The following GRID2 variants were observed in gnomAD, a reference collection of about 807,000 sequenced individuals.
GRID2 encodes glutamate ionotropic receptor delta type subunit 2.
Under a neutral mutation model 114.8 loss-of-function variants are expected in GRID2, and 33 were observed. The ratio of observed to expected loss-of-function variants is 0.29; its 90% CI spans 0.22 to 0.38. The LOEUF (loss-of-function observed/expected upper bound fraction) is 0.38, where lower values mean the gene tolerates loss of function less well. Among genes scored for constraint, GRID2 ranks in the 10% least tolerant of loss-of-function variants. The pLI is 1.00. For missense variants in GRID2, 1,184 were observed against 1,257.7 expected (o/e 0.94, Z 0.89); for synonymous variants, 505 against 449.9 (o/e 1.12, Z -1.55).
At chr4:92,699,710 C>A (rs1393363455) in intron 2 of GRID2, among the ~76,000 whole-genome samples, 1 of 152,138 alleles carries the variant, frequency 6.6e-6, no homozygotes, top group Admixed American at 6.5e-5. Context: ...GCTAAGAAAC[C>A]TCTACTCATC....
chr4:92,665,142 C>T (rs1191934926), intron 2 of GRID2, among the ~76,000 whole-genome samples: 3 of 150,644 alleles, frequency 2.0e-5, no homozygotes, highest in Non-Finnish European at 4.5e-5. Context: ...TAATTGATTT[C>T]TTTTGTAGAA....
intron 13 of GRID2, among the ~76,000 whole-genome samples, chr4:93,540,099 T>A (rs891918312): frequency 6.6e-6 from 1 of 152,032 alleles, no homozygotes; most frequent in Non-Finnish European, 1.5e-5. Context: ...TTTGTGTGAT[T>A]TTTTCCTTGG....
At chr4:92,370,467 G>A (rs1037907044) in intron 1 of GRID2, among the ~76,000 whole-genome samples, 7 of 151,946 alleles carry the variant, frequency 4.6e-5, no homozygotes, top group African/African-American at 1.4e-4. Flanking sequence ...CTGGTCAACA[G>A]AGCAAAACCC....
At chr4:92,541,915 A>G (rs1725985543) in intron 1 of GRID2, among the ~76,000 whole-genome samples, 1 of 152,148 alleles carries the variant, frequency 6.6e-6, no homozygotes, top group African/African-American at 2.4e-5. Flanking sequence ...AAAGAAGAGG[A>G]AGATTTCTAA....
At chr4:92,604,869 A>G (rs1022347590) in intron 2 of GRID2, among the ~76,000 whole-genome samples, 3 of 152,002 alleles carry the variant, frequency 2.0e-5, no homozygotes, top group Non-Finnish European at 4.4e-5. Context: ...TTGAATTTTA[A>G]TCTTCATAAG....
At chr4:93,321,451 G>T (rs954002938) in intron 8 of GRID2, among the ~76,000 whole-genome samples, 2 of 152,160 alleles carry the variant, frequency 1.3e-5, no homozygotes, top group South Asian at 4.1e-4. Flanking sequence ...AAGAAATATG[G>T]AAAGAAGGAT....
At chr4:92,948,269 T>C (rs868707994) in intron 2 of GRID2, among the ~76,000 whole-genome samples, 2 of 152,028 alleles carry the variant, frequency 1.3e-5, no homozygotes, top group Admixed American at 6.5e-5. Flanking sequence ...TTGTTTGGAA[T>C]AGAAGTTTTT....
At chr4:92,658,534 T>A (rs942790537) in intron 2 of GRID2, among the ~76,000 whole-genome samples, 4 of 151,672 alleles carry the variant, frequency 2.6e-5, no homozygotes, top group Non-Finnish European at 5.9e-5. Flanking sequence ...CAAATCACAT[T>A]AATTAATGCT....
At chr4:93,365,320 C>A (rs938864083) in intron 8 of GRID2, among the ~76,000 whole-genome samples, 1 of 152,068 alleles carries the variant, frequency 6.6e-6, no homozygotes, top group Non-Finnish European at 1.5e-5. Context: ...CTCTACAATC[C>A]ATTTAGTTAA....
intron 2 of GRID2, among the ~76,000 whole-genome samples, chr4:92,827,361 A>G (rs77100654): frequency 0.051 from 7,716 of 151,606 alleles, 329 homozygotes; most frequent in East Asian, 0.12. Context: ...ACTCTTTGGA[A>G]AACTCAATAC....
chr4:92,960,866 AT>A (rs1752751341), intron 2 of GRID2, among the ~76,000 whole-genome samples: 1 of 151,672 alleles, frequency 6.6e-6, no homozygotes, highest in Non-Finnish European at 1.5e-5. Flanking sequence ...ACTTTATATT[AT>A]TCCATTTCAT....
chr4:93,177,741 A>G (rs1025325376), intron 4 of GRID2, among the ~76,000 whole-genome samples: 2 of 152,158 alleles, frequency 1.3e-5, no homozygotes, highest in East Asian at 3.8e-4. Flanking sequence ...TTTTTCTTTC[A>G]AATTTTATCA....
At chr4:92,955,693 T>C (rs1323642141) in intron 2 of GRID2, among the ~76,000 whole-genome samples, 1 of 152,172 alleles carries the variant, frequency 6.6e-6, no homozygotes, top group Non-Finnish European at 1.5e-5. Flanking sequence ...TCCTTGCCCA[T>C]GCCTATGTCC....
chr4:92,503,434 T>C (rs1723790521), intron 1 of GRID2, among the ~76,000 whole-genome samples: 1 of 152,160 alleles, frequency 6.6e-6, no homozygotes, highest in Admixed American at 6.6e-5. Flanking sequence ...TAGTTTACAC[T>C]ATGGTTCTAT....
At chr4:92,581,093 C>T (rs377193723) in intron 1 of GRID2, among the ~76,000 whole-genome samples, 1 of 151,432 alleles carries the variant, frequency 6.6e-6, no homozygotes, top group Admixed American at 6.6e-5. Flanking sequence ...TGAATCTTCA[C>T]GGATTCAGTA....
intron 14 of GRID2, among the ~76,000 whole-genome samples, chr4:93,720,799 T>TA (rs1294178190): frequency 1.3e-5 from 2 of 152,206 alleles, no homozygotes; most frequent in African/African-American, 4.8e-5. Flanking sequence ...ATAAGTCACC[T>TA]AAAAAATCTC....
intron 13 of GRID2, among the ~76,000 whole-genome samples, chr4:93,564,624 G>C (rs1578272124): frequency 1.3e-5 from 2 of 152,068 alleles, no homozygotes; most frequent in Admixed American, 1.3e-4. Flanking sequence ...ACATTTTGGG[G>C]CATCTTCTCT....
At chr4:93,436,081 A>T (rs913190617) in intron 10 of GRID2, among the ~76,000 whole-genome samples, 1 of 152,164 alleles carries the variant, frequency 6.6e-6, no homozygotes, top group Admixed American at 6.5e-5. Context: ...TTTGGTTGCA[A>T]ATGACAATCC....
At chr4:93,555,771 C>G (rs1035656739) in intron 13 of GRID2, among the ~76,000 whole-genome samples, 4 of 152,216 alleles carry the variant, frequency 2.6e-5, no homozygotes, top group Admixed American at 6.5e-5. Flanking sequence ...GGACAGACTT[C>G]CTCCTCAAGT....
Sources: allele counts gnomAD v4.1 joint callset (sites outside exome capture counted in the v4.1 genomes callset), GRCh38; gene constraint gnomAD v4.1.1; transcripts MANE v1.5; gene names NCBI Gene and HGNC (gene_info 2026-07-23, HGNC 2026-07-21).